Variants in DISC1 observed in about 807,000 individuals in gnomAD.
DISC1 encodes the protein DISC1 scaffold protein.
DISC1 carries 57 observed loss-of-function variants against 84.5 expected under a neutral mutation model. That is an observed-to-expected ratio of 0.67 (90% CI 0.55 to 0.84). The LOEUF is 0.84. Ranked by LOEUF, DISC1 falls within the 40% of genes least tolerant of loss-of-function variation. The pLI, the probability that DISC1 is intolerant of heterozygous loss-of-function variation, is 0.00. For missense variants in DISC1, 1,000 were observed against 1,057.8 expected, an observed-to-expected ratio of 0.95 and a Z score of 0.76; for synonymous variants, 411 against 415.2, an observed-to-expected ratio of 0.99 and a Z score of 0.12.
At chr1:231,708,028 T>C (rs1220937414) in intron 3 of DISC1, among the ~76,000 whole-genome samples, 1 of 152,188 alleles carries the variant, frequency 6.6e-6, no homozygotes, top group African/African-American at 2.4e-5. Context: ...CTTTTTATTG[T>C]CTTTATTTGG....
chr1:231,660,603 G>A (rs2061494610), intron 1 of DISC1, among the ~76,000 whole-genome samples: 1 of 152,114 alleles, frequency 6.6e-6, no homozygotes, highest in African/African-American at 2.4e-5. Flanking sequence ...AGCCTCCCGA[G>A]TAGCTGGGAT....
chr1:231,676,395 C>T (rs55981910), intron 1 of DISC1, among the ~76,000 whole-genome samples: 4,854 of 152,238 alleles, frequency 0.032, 257 homozygotes, highest in African/African-American at 0.11. Context: ...CTACCTGTCC[C>T]ACCGGTCTGT....
At chr1:231,753,747 TA>T (rs2074856874) in intron 4 of DISC1, among the ~76,000 whole-genome samples, 1 of 152,248 alleles carries the variant, frequency 6.6e-6, no homozygotes, top group Non-Finnish European at 1.5e-5. Context: ...GTTTCCTCTT[TA>T]AATATAAGTT....
intron 9 of DISC1, among the ~76,000 whole-genome samples, chr1:231,858,917 C>T (rs1320191744): frequency 6.6e-6 from 1 of 152,172 alleles, no homozygotes; most frequent in Admixed American, 6.5e-5. Flanking sequence ...ATTGATTGGT[C>T]AGAGGTATTC....
At chr1:231,843,555 G>C (rs1311498063) in intron 9 of DISC1, among the ~76,000 whole-genome samples, 1 of 152,210 alleles carries the variant, frequency 6.6e-6, no homozygotes, top group Non-Finnish European at 1.5e-5. Flanking sequence ...GAGGCCAGTG[G>C]CAGGAGAGAG....
At chr1:231,903,948 C>T (rs1268411638) in intron 9 of DISC1, among the ~76,000 whole-genome samples, 1 of 152,142 alleles carries the variant, frequency 6.6e-6, no homozygotes, top group Non-Finnish European at 1.5e-5. Context: ...TCAGGCTGGG[C>T]ACAGAAGAAA....
At chr1:231,917,402 A>G (rs1431909568) in intron 9 of DISC1, among the ~76,000 whole-genome samples, 2 of 152,258 alleles carry the variant, frequency 1.3e-5, no homozygotes. Flanking sequence ...GCCTTGAATA[A>G]TATGAAGCGA....
intron 1 of DISC1, among the ~76,000 whole-genome samples, chr1:231,655,207 C>T (rs1405292130): frequency 5.9e-5 from 9 of 152,150 alleles, no homozygotes; most frequent in East Asian, 1.9e-4. Context: ...ACCCAAGTTG[C>T]GTACATTGTG....
intron 3 of DISC1, among the ~76,000 whole-genome samples, chr1:231,719,448 C>T (rs560226014): frequency 6.6e-5 from 10 of 152,272 alleles, no homozygotes; most frequent in Admixed American, 5.9e-4. Context: ...AAAGCATTAG[C>T]GCTTTTCAGG....
At chr1:231,912,648 A>T (rs1405393956) in intron 9 of DISC1, among the ~76,000 whole-genome samples, 1 of 152,216 alleles carries the variant, frequency 6.6e-6, no homozygotes, top group African/African-American at 2.4e-5. Context: ...TTGAGGAGGC[A>T]GTCTGTCTGT....
At chr1:231,926,727 A>G (rs2090379719) in intron 9 of DISC1, among the ~76,000 whole-genome samples, 1 of 152,234 alleles carries the variant, frequency 6.6e-6, no homozygotes, top group Admixed American at 6.5e-5. Flanking sequence ...TCAGGGAACA[A>G]AAGAGAAGGG....
At chr1:231,940,161 T>C (rs915381430) in intron 9 of DISC1, among the ~76,000 whole-genome samples, 3 of 152,194 alleles carry the variant, frequency 2.0e-5, no homozygotes, top group African/African-American at 7.2e-5. Context: ...CTATTCTATC[T>C]TGTCCTCTGT....
intron 1 of DISC1, among the ~76,000 whole-genome samples, chr1:231,639,177 G>A (rs545095094): frequency 6.6e-6 from 1 of 152,194 alleles, no homozygotes; most frequent in African/African-American, 2.4e-5. Flanking sequence ...TGTTGCTTGG[G>A]CTCACAAGCA....
chr1:231,676,182 G>A (rs904801906), intron 1 of DISC1, among the ~76,000 whole-genome samples: 9 of 152,306 alleles, frequency 5.9e-5, no homozygotes, highest in Admixed American at 5.2e-4. Context: ...TCTTTGTTTA[G>A]TTAAATTATT....
intron 9 of DISC1, among the ~76,000 whole-genome samples, chr1:231,835,166 A>G (rs1375578044): frequency 1.3e-5 from 2 of 152,218 alleles, no homozygotes; most frequent in Non-Finnish European, 2.9e-5. Context: ...TTTCTCACAG[A>G]ACAAAGAGCA....
At chr1:231,686,216 A>C (rs1204141504) in intron 1 of DISC1, among the ~76,000 whole-genome samples, 2 of 152,162 alleles carry the variant, frequency 1.3e-5, no homozygotes, top group Non-Finnish European at 2.9e-5. Context: ...TCACAGCTCC[A>C]CTAGGCGGTA....
rs528931804 is a variant in DISC1, at chr1:231,991,423, C to G, written c.2043-17362C>G. 2.6e-5 allele frequency among the ~76,000 whole-genome samples: 4 copies of G among 152,352 alleles called. No homozygotes were observed. In the East Asian group the frequency reaches 5.8e-4, roughly 22 times the overall value. ...TCTCTCCTTGTCTTGCTCCTGCTTC[C>G]CTTTAAAATTCCTTGGCTGCCCTTA... On this transcript the variant is annotated intron_variant, in intron 10 of 12. Coordinates refer to ENST00000439617, the MANE Select transcript of DISC1 (RefSeq NM_018662.3).
At chr1:231,709,934 G>A (rs2067600869) in intron 3 of DISC1, among the ~76,000 whole-genome samples, 1 of 152,180 alleles carries the variant, frequency 6.6e-6, no homozygotes. Flanking sequence ...GCTCTCATAG[G>A]TTTTCTGCTT....
chr1:231,948,517 T>C (rs1657685052), intron 9 of DISC1, among the ~76,000 whole-genome samples: 1 of 152,042 alleles, frequency 6.6e-6, no homozygotes, highest in African/African-American at 2.4e-5. Flanking sequence ...TGACCGGTTG[T>C]TGGGTGCAGC....
Sources: gnomAD v4.1 joint callset for allele counts (sites outside exome capture counted in the v4.1 genomes callset) on GRCh38, gnomAD v4.1.1 for gene constraint, MANE v1.5 for transcripts, NCBI Gene and HGNC (gene_info 2026-07-23, HGNC 2026-07-21) for gene names.